The following NMU variants were observed in gnomAD, a reference collection of about 807,000 sequenced individuals.
NMU encodes the protein neuromedin-U.
NMU carries 29 observed loss-of-function variants against 35.4 expected under a neutral mutation model. The observed-to-expected ratio is 0.82, with a 90% CI of 0.61 to 1.12. The LOEUF (loss-of-function observed/expected upper bound fraction) is 1.12. NMU is among the 50% of genes most tolerant of loss of function. NMU has a pLI of 0.00. For synonymous variants in NMU, 78 were observed against 81.3 expected (o/e 0.96, Z 0.22); for missense variants, 199 against 206.2 (o/e 0.97, Z 0.21).
intron 4 of NMU, among the ~76,000 whole-genome samples, chr4:55,608,029 C>T (rs1156394736): frequency 6.6e-6 from 1 of 151,932 alleles, no homozygotes; most frequent in Non-Finnish European, 1.5e-5. Context: ...AAAAATTAGC[C>T]AGGCCTGGTG....
chr4:55,632,208 A>T (rs1715639778), intron 1 of NMU, among the ~76,000 whole-genome samples: 1 of 152,162 alleles, frequency 6.6e-6, no homozygotes, highest in East Asian at 1.9e-4. Context: ...GGTACAGTGT[A>T]CACCACTCGG....
intron 3 of NMU, 80 bp downstream of exon 3, chr4:55,616,258 A>G (rs1734105489): frequency 1.1e-6 from 1 of 950,572 alleles, no homozygotes; most frequent in Non-Finnish European, 1.7e-6. Flanking sequence ...GAACACATAA[A>G]GGTTCCAAAG....
chr4:55,612,330 T>C (rs1478424043), intron 3 of NMU, among the ~76,000 whole-genome samples: 1 of 151,978 alleles, frequency 6.6e-6, no homozygotes, highest in Non-Finnish European at 1.5e-5. Context: ...AGCCCAGGAG[T>C]TCGTAGCTGT....
chr4:55,597,876 C>T (rs188364595), intron 9 of NMU, among the ~76,000 whole-genome samples: 14 of 151,976 alleles, frequency 9.2e-5, no homozygotes, highest in Non-Finnish European at 1.8e-4. Flanking sequence ...TTTCTCTTTT[C>T]ATTTGTACTT....
intron 9 of NMU, among the ~76,000 whole-genome samples, chr4:55,598,802 T>C (rs1241052828): frequency 6.6e-6 from 1 of 152,202 alleles, no homozygotes; most frequent in African/African-American, 2.4e-5. Context: ...ATTCATTCCC[T>C]GACATATCCT....
chr4:55,596,491 T>A (rs1211724683), intron 9 of NMU, among the ~76,000 whole-genome samples: 1 of 151,924 alleles, frequency 6.6e-6, no homozygotes, highest in Non-Finnish European at 1.5e-5. Context: ...AGCTATTTAA[T>A]AAAATTTTTA....
rs1560513419 is a variant in NMU at position 55,603,939 on chromosome 4, A to ATGTATATATGTGTATATATACACG, written c.435+1335_435+1336insCGTGTATATATACACATATATACA. Among the ~76,000 whole-genome samples the ATGTATATATGTGTATATATACACG allele has an allele frequency of 2.0e-4, 13 of 63,848 alleles. 4 individuals carry two copies. The highest frequency in any genetic ancestry group is 5.0e-4 in the South Asian group (1 of 1,996). 41.9% of individuals were successfully genotyped at this position (63,848 alleles called of 152,430 possible). ...AAAAAAAAAAAAAATATATATATATATATATATGTATATATGTGTATATAT... is the reference window on the plus strand; with the variant it reads ...AAAAAAAAAAAAAATATATATATATATGTATATATGTGTATATATACACGTATATATGTATATATGTGTATATAT... On this transcript the variant is annotated intron_variant, in intron 7 of 9. Coordinates refer to ENST00000264218, the MANE Select transcript of NMU (RefSeq NM_006681.4).
intron 2 of NMU, among the ~76,000 whole-genome samples, chr4:55,629,058 A>G (rs1189460953): frequency 6.6e-6 from 1 of 152,160 alleles, no homozygotes; most frequent in African/African-American, 2.4e-5. Context: ...TTACCAAAAT[A>G]CTATATATAT....
rs767568542 is a variant in NMU at position 55,604,679 on chromosome 4, A to ATTTTTTTTTTTTTTTTTTTTTTTTTT, written c.435+595_435+596insAAAAAAAAAAAAAAAAAAAAAAAAAA. Among the ~76,000 whole-genome samples, 3 of 47,614 alleles carry ATTTTTTTTTTTTTTTTTTTTTTTTTT rather than the reference A, an allele frequency of 6.3e-5. 1 individual carries two copies. The highest frequency in any genetic ancestry group is 9.6e-5 in the Non-Finnish European group (3 of 31,274). 31.2% of individuals were successfully genotyped at this position (47,614 alleles called of 152,430 possible). On this transcript the variant is annotated intron_variant, in intron 7 of 9. Transcript: ENST00000264218. ...AGGCATGCGCCAATATGCCTGGCTAATTTTTTTTTTTTTTTTTTTTTTTTT... is the reference window on the plus strand; with the variant it reads ...AGGCATGCGCCAATATGCCTGGCTAATTTTTTTTTTTTTTTTTTTTTTTTTTTTTTTTTTTTTTTTTTTTTTTTTTT...
At chr4:55,626,362 T>G (rs1475994126) in intron 2 of NMU, among the ~76,000 whole-genome samples, 1 of 152,250 alleles carries the variant, frequency 6.6e-6, no homozygotes, top group Non-Finnish European at 1.5e-5. Flanking sequence ...TGTAGTTTCT[T>G]GTATATTCCA....
At position 55,636,219 on chromosome 4, in the gene NMU, T is replaced by C. The variant is rs1396549262; in HGVS notation, c.-27A>G. ...TCGGCGGCTGCGGGAGGCTCGGTGC[T>C]AGGGACGCTGCGCTGCGCCACGCGT... On this transcript the variant is annotated 5_prime_UTR_variant, in exon 1 of 10. Transcript: ENST00000264218. The surrounding 1 kb of genome is among the most constrained non-coding windows in gnomAD (Gnocchi z 4.0). The C allele has an allele frequency of 6.9e-7, 1 of 1,449,678 alleles. No individual in the cohort carries two copies. The highest frequency in any genetic ancestry group is 1.4e-5 in the South Asian group (1 of 69,484). The allele number at this position is 1,449,678 out of a possible 1,614,324, so 89.8% of individuals were successfully genotyped here.
chr4:55,603,338 C>T (rs971960524), intron 7 of NMU, among the ~76,000 whole-genome samples: 2 of 151,490 alleles, frequency 1.3e-5, no homozygotes, highest in East Asian at 1.9e-4. Context: ...TAATAAAATA[C>T]GTAATTTAAA....
chr4:55,606,425 C>G (rs1577940375), intron 6 of NMU, among the ~76,000 whole-genome samples: 1 of 152,060 alleles, frequency 6.6e-6, no homozygotes, highest in South Asian at 2.1e-4. Context: ...TTTTGGCTAA[C>G]CTTAGAGAAT....
At chr4:55,607,212 C>G in intron 6 of NMU, 86 bp downstream of exon 6, 1 of 917,824 alleles carries the variant, frequency 1.1e-6, no homozygotes, top group Admixed American at 2.1e-5. Context: ...AATTTGAATT[C>G]TGATCTAGCT....
chr4:55,613,784 C>A (rs1734020802), intron 3 of NMU, among the ~76,000 whole-genome samples: 1 of 152,040 alleles, frequency 6.6e-6, no homozygotes, highest in Non-Finnish European at 1.5e-5. Flanking sequence ...TGGTGGAACC[C>A]AGCAACCATG....
chr4:55,617,054 C>T (rs985995073), intron 2 of NMU, among the ~76,000 whole-genome samples: 1 of 152,066 alleles, frequency 6.6e-6, no homozygotes, highest in Non-Finnish European at 1.5e-5. Context: ...GGATGTCTGG[C>T]GTTGTTTATG....
At chr4:55,633,062 C>T (rs547752482) in intron 1 of NMU, among the ~76,000 whole-genome samples, 14 of 150,952 alleles carry the variant, frequency 9.3e-5, no homozygotes, top group African/African-American at 3.4e-4. Context: ...CAGTGGCTCA[C>T]ACCTGTAATC....
At chr4:55,599,499 G>A (rs1733340736) in intron 8 of NMU, among the ~76,000 whole-genome samples, 1 of 152,026 alleles carries the variant, frequency 6.6e-6, no homozygotes, top group African/African-American at 2.4e-5. Context: ...ATTTTAATTT[G>A]ATATGAACCA....
intron 8 of NMU, among the ~76,000 whole-genome samples, chr4:55,600,032 G>GA (rs1046289214): frequency 1.3e-5 from 2 of 152,112 alleles, no homozygotes; most frequent in Admixed American, 6.5e-5. Context: ...TAGCTGCCTA[G>GA]AAAAAAACCT....
Sources: allele counts gnomAD v4.1 joint callset (sites outside exome capture counted in the v4.1 genomes callset), GRCh38; gene constraint gnomAD v4.1.1; non-coding constraint Gnocchi (gnomAD v3.1); transcripts MANE v1.5; gene names NCBI Gene and HGNC (gene_info 2026-07-23, HGNC 2026-07-21).